MAP4K3: variants seen among roughly 807,000 people sequenced by gnomAD.
MAP4K3 encodes the protein MAPK/ERK kinase kinase kinase 3.
MAP4K3 carries 94 observed loss-of-function variants against 143.5 expected under a neutral mutation model. The ratio of observed to expected loss-of-function variants is 0.65; its 90% CI spans 0.55 to 0.78. The LOEUF (loss-of-function observed/expected upper bound fraction) is 0.78, where lower values mean the gene tolerates loss of function less well. Among genes scored for constraint, MAP4K3 ranks in the 30% least tolerant of loss-of-function variants. MAP4K3 has a pLI of 0.00. For missense variants in MAP4K3, 1,077 were observed against 1,068.1 expected (o/e 1.01, Z -0.12); for synonymous variants, 416 against 347.2 (o/e 1.20, Z -2.20).
chr2:39,338,092 C>T (rs1356018888), intron 4 of MAP4K3, among the ~76,000 whole-genome samples: 3 of 151,950 alleles, frequency 2.0e-5, no homozygotes, highest in Non-Finnish European at 1.5e-5. Flanking sequence ...ATCTGATTTG[C>T]TCATTGTTGT....
intron 1 of MAP4K3, among the ~76,000 whole-genome samples, chr2:39,432,695 A>G (rs1665327488): frequency 6.6e-6 from 1 of 152,234 alleles, no homozygotes; most frequent in Non-Finnish European, 1.5e-5. Flanking sequence ...TAAATAGAAC[A>G]CCTTGAAAGA....
chr2:39,416,276 G>GT (rs1667377364), intron 1 of MAP4K3, among the ~76,000 whole-genome samples: 2 of 151,826 alleles, frequency 1.3e-5, no homozygotes, highest in Non-Finnish European at 2.9e-5. Flanking sequence ...AACAGGCTCT[G>GT]GTAAAACCAA....
chr2:39,272,728 G>C (rs901432613), intron 24 of MAP4K3, among the ~76,000 whole-genome samples, 186 bp from the exon 25 acceptor site: 2 of 152,122 alleles, frequency 1.3e-5, no homozygotes, highest in Non-Finnish European at 2.9e-5. Context: ...ATTTATGTGA[G>C]AGAAAAAATA....
At chr2:39,312,081 G>A (rs1227540052) in intron 13 of MAP4K3, among the ~76,000 whole-genome samples, 1 of 152,056 alleles carries the variant, frequency 6.6e-6, no homozygotes, top group Non-Finnish European at 1.5e-5. Flanking sequence ...TATGGGAGTT[G>A]ATTTAAAAAA....
chr2:39,254,428 T>C, intron 32 of MAP4K3, 22 bp downstream of exon 32: 3 of 1,591,312 alleles, frequency 1.9e-6, no homozygotes, highest in Non-Finnish European at 2.6e-6. Context: ...TTGTGACTAC[T>C]TAATGGACAT....
At chr2:39,424,509 C>T (rs561559100) in intron 1 of MAP4K3, among the ~76,000 whole-genome samples, 1 of 152,062 alleles carries the variant, frequency 6.6e-6, no homozygotes, top group African/African-American at 2.4e-5. Flanking sequence ...GGGACTGTGC[C>T]TTCAGTAAAG....
At chr2:39,346,433 T>C (rs1665295167) in intron 3 of MAP4K3, among the ~76,000 whole-genome samples, 1 of 152,132 alleles carries the variant, frequency 6.6e-6, no homozygotes, top group Non-Finnish European at 1.5e-5. Flanking sequence ...TAAAAAAAAA[T>C]AGTAGTTTTG....
intron 3 of MAP4K3, 94 bp downstream of exon 3, chr2:39,356,155 C>G: frequency 1.4e-6 from 1 of 715,354 alleles, no homozygotes; most frequent in South Asian, 2.2e-5. Flanking sequence ...TGAAGAAAAA[C>G]TACAAAACAT....
At chr2:39,375,086 C>A (rs1266624481) in intron 2 of MAP4K3, among the ~76,000 whole-genome samples, 1 of 152,082 alleles carries the variant, frequency 6.6e-6, no homozygotes. Flanking sequence ...TATAGTGAGA[C>A]CCTGTCTCTA....
At chr2:39,268,634 A>ATCTTTT (rs1680877515) in intron 26 of MAP4K3, among the ~76,000 whole-genome samples, 1 of 73,772 alleles carries the variant, frequency 1.4e-5, no homozygotes, top group Admixed American at 2.3e-4. Flanking sequence ...GATTTTTTCT[A>ATCTTTT]TTTTTTTTTT....
chr2:39,250,022 CAATACTTTGTGCA>C lies in MAP4K3; in HGVS notation c.*583_*595del, dbSNP rs1214520658. On this transcript the variant is annotated 3_prime_UTR_variant, in exon 34 of 34. Transcript: ENST00000263881. ...TTTTGTGACTTAATACATCACATAT[CAATACTTTGTGCA>C]AATATAAACACCAGTGTACTTGCAT... 1.3e-5 allele frequency: 2 copies of C among 152,368 alleles called. No individual in the cohort carries two copies. The highest frequency in any genetic ancestry group is 2.9e-5 in the Non-Finnish European group (2 of 67,996). 9.4% of individuals were successfully genotyped at this position (152,368 alleles called of 1,614,324 possible). A position where few individuals can be genotyped will look rare whatever the true frequency, so the allele number is the denominator to read the frequency against.
chr2:39,344,071 T>C (rs964564153), intron 3 of MAP4K3, among the ~76,000 whole-genome samples: 2 of 152,218 alleles, frequency 1.3e-5, no homozygotes, highest in Admixed American at 1.3e-4. Context: ...GTACCATTCA[T>C]GGTACAGAGA....
At chr2:39,372,525 T>C (rs1666110615) in intron 2 of MAP4K3, among the ~76,000 whole-genome samples, 1 of 150,354 alleles carries the variant, frequency 6.7e-6, no homozygotes, top group African/African-American at 2.4e-5. Flanking sequence ...GGAATCACAT[T>C]ACCTGACTTC....
chr2:39,261,122 A>G (rs1260338883), intron 28 of MAP4K3: 7 of 187,944 alleles, frequency 3.7e-5, no homozygotes, highest in African/African-American at 9.5e-5. Flanking sequence ...CTGTCTCCCA[A>G]TGTGATGCTT....
intron 1 of MAP4K3, among the ~76,000 whole-genome samples, chr2:39,399,906 T>C (rs1260663557): frequency 1.3e-5 from 2 of 152,154 alleles, no homozygotes; most frequent in African/African-American, 4.8e-5. Flanking sequence ...TTTAATGTGG[T>C]TTAAAAAGAG....
intron 1 of MAP4K3, among the ~76,000 whole-genome samples, chr2:39,415,843 C>A (rs1205626071): frequency 3.5e-5 from 5 of 143,068 alleles, no homozygotes; most frequent in Non-Finnish European, 7.5e-5. Context: ...ATCCCAGCTA[C>A]TTGGGAGGCT....
intron 1 of MAP4K3, among the ~76,000 whole-genome samples, chr2:39,381,428 T>C (rs939435577): frequency 2.0e-5 from 3 of 152,236 alleles, no homozygotes; most frequent in African/African-American, 7.2e-5. Flanking sequence ...TCTCCCATTC[T>C]ACATGCTTTC....
chr2:39,388,272 T>C (rs949264352), intron 1 of MAP4K3, among the ~76,000 whole-genome samples: 1 of 152,200 alleles, frequency 6.6e-6, no homozygotes, highest in African/African-American at 2.4e-5. Flanking sequence ...TTCCAAGATT[T>C]CACTTTTGGA....
At chr2:39,330,182 GAATA>G (rs1439400187) in intron 8 of MAP4K3, among the ~76,000 whole-genome samples, 1 of 151,936 alleles carries the variant, frequency 6.6e-6, no homozygotes, top group Non-Finnish European at 1.5e-5. Flanking sequence ...CAAGTACAAT[GAATA>G]AAAGTAAAAA....
Sources: allele counts gnomAD v4.1 joint callset (sites outside exome capture counted in the v4.1 genomes callset), GRCh38; gene constraint gnomAD v4.1.1; transcripts MANE v1.5; gene names NCBI Gene and HGNC (gene_info 2026-07-23, HGNC 2026-07-21).